VWC2: variants seen among roughly 807,000 people sequenced by gnomAD.
VWC2 encodes von Willebrand factor C domain containing 2, also known as brorin.
A neutral mutation model predicts 29.8 loss-of-function variants in VWC2; 14 were observed. That is an observed-to-expected ratio of 0.47 (90% CI 0.31 to 0.74). The LOEUF (loss-of-function observed/expected upper bound fraction) is 0.74. Among genes scored for constraint, VWC2 ranks in the 30% least tolerant of loss-of-function variants. The pLI is 0.05. For missense variants in VWC2, 457 were observed against 459.8 expected (o/e 0.99, Z 0.05); for synonymous variants, 213 against 199.0 (o/e 1.07, Z -0.59).
At chr7:49,909,783 C>T (rs1793304874) in intron 3 of VWC2, among the ~76,000 whole-genome samples, 1 of 152,186 alleles carries the variant, frequency 6.6e-6, no homozygotes, top group East Asian at 1.9e-4. Context: ...AACCTTAGGG[C>T]AGTGTCTGAA....
intron 1 of VWC2, among the ~76,000 whole-genome samples, chr7:49,774,617 CG>C (rs1036797669): frequency 2.6e-5 from 4 of 152,192 alleles, no homozygotes; most frequent in Admixed American, 2.6e-4. Flanking sequence ...CTGAGCGCTG[CG>C]GCCGGCGACC....
intron 2 of VWC2, among the ~76,000 whole-genome samples, chr7:49,802,480 A>T (rs1174148504): frequency 6.6e-6 from 1 of 152,130 alleles, no homozygotes; most frequent in Non-Finnish European, 1.5e-5. Flanking sequence ...TCTATAAAAA[A>T]CACATAAATT....
intron 3 of VWC2, among the ~76,000 whole-genome samples, chr7:49,812,511 A>C (rs1201273662): frequency 6.6e-6 from 1 of 152,214 alleles, no homozygotes; most frequent in African/African-American, 2.4e-5. Context: ...ACTGAAGCTG[A>C]GACCCTTATA....
intron 3 of VWC2, among the ~76,000 whole-genome samples, chr7:49,894,427 C>G (rs1190415812): frequency 1.3e-5 from 2 of 152,252 alleles, no homozygotes; most frequent in African/African-American, 2.4e-5. Flanking sequence ...GCCACTGCAC[C>G]TGATCCTTGT....
intron 2 of VWC2, among the ~76,000 whole-genome samples, chr7:49,792,192 C>T (rs1788475342): frequency 6.6e-6 from 1 of 152,122 alleles, no homozygotes; most frequent in South Asian, 2.1e-4. Flanking sequence ...CGGAATCAGT[C>T]CCCCATGGAT....
chr7:49,783,892 AT>A (rs151098488), intron 2 of VWC2, among the ~76,000 whole-genome samples: 3,617 of 152,094 alleles, frequency 0.024, 53 homozygotes, highest in Non-Finnish European at 0.036. Flanking sequence ...TCTAAAAAAA[AT>A]AATAATAATA....
chr7:49,794,848 T>C (rs1383534827), intron 2 of VWC2, among the ~76,000 whole-genome samples: 1 of 152,216 alleles, frequency 6.6e-6, no homozygotes, highest in Non-Finnish European at 1.5e-5. Flanking sequence ...TTTCTACCTG[T>C]CCCAATCCTT....
intron 2 of VWC2, among the ~76,000 whole-genome samples, chr7:49,800,964 C>T (rs1238603974): frequency 6.6e-6 from 1 of 151,964 alleles, no homozygotes; most frequent in Non-Finnish European, 1.5e-5. Flanking sequence ...GGCTACATTG[C>T]CAACCAGGTC....
intron 3 of VWC2, among the ~76,000 whole-genome samples, chr7:49,894,839 G>A (rs569603606): frequency 6.6e-5 from 10 of 152,336 alleles, no homozygotes; most frequent in Non-Finnish European, 1.2e-4. Flanking sequence ...TCAGCGCTAA[G>A]TGCAAGCACC....
At chr7:49,794,720 C>T (rs1306010438) in intron 2 of VWC2, among the ~76,000 whole-genome samples, 1 of 152,182 alleles carries the variant, frequency 6.6e-6, no homozygotes, top group Non-Finnish European at 1.5e-5. Flanking sequence ...CTCTACCTGC[C>T]CAGTCTGATC....
At chr7:49,790,434 T>C (rs1184853861) in intron 2 of VWC2, among the ~76,000 whole-genome samples, 1 of 148,394 alleles carries the variant, frequency 6.7e-6, no homozygotes, top group Non-Finnish European at 1.5e-5. Context: ...ATCTGTTCTC[T>C]GACAGACAGT....
intron 3 of VWC2, among the ~76,000 whole-genome samples, chr7:49,822,530 T>G (rs1236140062): frequency 6.6e-6 from 1 of 152,116 alleles, no homozygotes; most frequent in African/African-American, 2.4e-5. Flanking sequence ...GCCTCCAGGA[T>G]TCAAGCGATT....
chr7:49,898,699 TGGATAAAAAGAAGAATTA>T, intron 3 of VWC2, among the ~76,000 whole-genome samples: 1 of 152,004 alleles, frequency 6.6e-6, no homozygotes, highest in East Asian at 1.9e-4. Context: ...AGTAGGACAA[TGGATAAAAAGAAGAATTA>T]GGTTTATTTT....
At chr7:49,890,136 A>G (rs1306401195) in intron 3 of VWC2, among the ~76,000 whole-genome samples, 1 of 152,234 alleles carries the variant, frequency 6.6e-6, no homozygotes, top group Admixed American at 6.5e-5. Flanking sequence ...CAGAGGGAAT[A>G]TTAACACAGA....
intron 3 of VWC2, among the ~76,000 whole-genome samples, chr7:49,893,416 G>C (rs893445282): frequency 9.2e-5 from 14 of 152,184 alleles, no homozygotes; most frequent in African/African-American, 3.4e-4. Context: ...TTTTGATGAA[G>C]ATTATTTCTT....
At chr7:49,906,430 G>C (rs1393216475) in intron 3 of VWC2, among the ~76,000 whole-genome samples, 2 of 152,158 alleles carry the variant, frequency 1.3e-5, no homozygotes, top group Non-Finnish European at 2.9e-5. Flanking sequence ...CTGCCTCCTG[G>C]GTTCACGCCA....
chr7:49,828,562 T>C (rs1002172135), intron 3 of VWC2, among the ~76,000 whole-genome samples: 11 of 152,182 alleles, frequency 7.2e-5, no homozygotes, highest in African/African-American at 2.7e-4. Flanking sequence ...TTGTCCATTC[T>C]AGTGGGGTGT....
At chr7:49,907,321 T>C (rs769591805) in intron 3 of VWC2, among the ~76,000 whole-genome samples, 7 of 152,286 alleles carry the variant, frequency 4.6e-5, no homozygotes, top group African/African-American at 7.2e-5. Flanking sequence ...TGACTCTATA[T>C]GCCAGTGATA....
intron 3 of VWC2, among the ~76,000 whole-genome samples, chr7:49,877,631 G>A (rs1434400195): frequency 6.8e-6 from 1 of 147,484 alleles, no homozygotes; most frequent in African/African-American, 2.5e-5. Context: ...TGTAAATGCT[G>A]TGATTTATCT....
Sources: gnomAD v4.1 joint callset for allele counts (sites outside exome capture counted in the v4.1 genomes callset) on GRCh38, gnomAD v4.1.1 for gene constraint, MANE v1.5 for transcripts, NCBI Gene and HGNC (gene_info 2026-07-23, HGNC 2026-07-21) for gene names.